The following B3GALT1 variants were observed in gnomAD, a reference collection of about 807,000 sequenced individuals.
The protein encoded by B3GALT1 is UDP-Gal:betaGlcNAc beta 1,3-galactosyltransferase, polypeptide 1.
A neutral mutation model predicts 23.2 loss-of-function variants in B3GALT1; 10 were observed. The observed-to-expected ratio is 0.43, with a 90% CI of 0.27 to 0.73. The LOEUF (loss-of-function observed/expected upper bound fraction) is 0.73, where lower values mean the gene tolerates loss of function less well. Among genes scored for constraint, B3GALT1 ranks in the 30% least tolerant of loss-of-function variants. The probability of loss-of-function intolerance (pLI) is 0.21; values close to 1 mark genes in which losing one functional copy is unlikely to be tolerated. For synonymous variants in B3GALT1, 156 were observed against 141.5 expected, an observed-to-expected ratio of 1.10 and a Z score of -0.73; for missense variants, 299 against 405.4, an observed-to-expected ratio of 0.74 and a Z score of 2.25.
intron 2 of B3GALT1, among the ~76,000 whole-genome samples, chr2:167,554,561 T>C (rs1425098278): frequency 1.3e-5 from 2 of 152,190 alleles, no homozygotes; most frequent in African/African-American, 4.8e-5. Context: ...AGTTTTCTTC[T>C]TTTTCCTCCC....
intron 1 of B3GALT1, among the ~76,000 whole-genome samples, chr2:167,464,673 A>G (rs1699318028): frequency 6.6e-6 from 1 of 152,172 alleles, no homozygotes; most frequent in Non-Finnish European, 1.5e-5. Context: ...GAAGTTACCT[A>G]AAGTTTCCTA....
chr2:167,312,926 C>A (rs568327676), intron 1 of B3GALT1, among the ~76,000 whole-genome samples: 1 of 152,106 alleles, frequency 6.6e-6, no homozygotes, highest in Non-Finnish European at 1.5e-5. Flanking sequence ...ACAAAATATA[C>A]ATAAGTAGGA....
intron 3 of B3GALT1, among the ~76,000 whole-genome samples, chr2:167,738,787 T>C (rs1687530676): frequency 7.4e-6 from 1 of 134,574 alleles, no homozygotes; most frequent in South Asian, 2.4e-4. Flanking sequence ...GATGTTCATG[T>C]TCTTTGTATA....
At chr2:167,503,438 T>C (rs768717490) in intron 2 of B3GALT1, among the ~76,000 whole-genome samples, 2 of 152,228 alleles carry the variant, frequency 1.3e-5, no homozygotes, top group Non-Finnish European at 2.9e-5. Context: ...TAAGCTTTCA[T>C]CTTGTTAGAC....
At chr2:167,799,221 A>C (rs1688594375) in intron 3 of B3GALT1, among the ~76,000 whole-genome samples, 1 of 152,182 alleles carries the variant, frequency 6.6e-6, no homozygotes, top group Admixed American at 6.6e-5. Flanking sequence ...TAGGGGTACA[A>C]GTAGTTTTTG....
At chr2:167,663,585 A>C (rs921131851) in intron 3 of B3GALT1, among the ~76,000 whole-genome samples, 5 of 150,862 alleles carry the variant, frequency 3.3e-5, no homozygotes, top group Admixed American at 3.3e-4. Flanking sequence ...CAACAGTGTA[A>C]AAGTGTTCCT....
Position 167,564,260 on chromosome 2 carries a change from C to T in B3GALT1, c.-410+73983C>T, listed in dbSNP as rs1437936020. On this transcript the variant is annotated intron_variant, in intron 2 of 4. Coordinates refer to ENST00000392690, the MANE Select transcript of B3GALT1 (RefSeq NM_020981.4). ...GCAGAGGCGCTCCCCACATCTCAGA[C>T]GATGGGCGGCCGGGCAGAGACGCTC... 1.6e-4 allele frequency among the ~76,000 whole-genome samples: 23 copies of T among 147,914 alleles called. No homozygotes were observed. In the East Asian group the frequency reaches 1.9e-3, roughly 12 times the overall value.
chr2:167,863,400 T>C (rs1373254603), intron 4 of B3GALT1, among the ~76,000 whole-genome samples: 1 of 152,216 alleles, frequency 6.6e-6, no homozygotes, highest in African/African-American at 2.4e-5. Flanking sequence ...TGTATCATAA[T>C]ACCATCTGCC....
chr2:167,579,378 T>A (rs1684440693), intron 2 of B3GALT1, among the ~76,000 whole-genome samples: 1 of 151,142 alleles, frequency 6.6e-6, no homozygotes, highest in African/African-American at 2.4e-5. Flanking sequence ...CAATTCTAAC[T>A]ACACATTAGA....
chr2:167,714,815 A>G (rs776640232), intron 3 of B3GALT1: 5 of 1,611,852 alleles, frequency 3.1e-6, no homozygotes, highest in Non-Finnish European at 4.2e-6. Flanking sequence ...CTTTTCTTCC[A>G]CTTTAGAAAG....
chr2:167,705,398 C>G (rs1444319413), intron 3 of B3GALT1, among the ~76,000 whole-genome samples: 2 of 152,166 alleles, frequency 1.3e-5, no homozygotes, highest in African/African-American at 4.8e-5. Context: ...AAAGGCAATA[C>G]AGGCCCGGGG....
intron 3 of B3GALT1, among the ~76,000 whole-genome samples, chr2:167,666,636 G>A (rs571485297): frequency 3.3e-5 from 5 of 152,206 alleles, no homozygotes; most frequent in South Asian, 2.1e-4. Context: ...GGGTGCTCCT[G>A]TATTGGGTGC....
intron 2 of B3GALT1, among the ~76,000 whole-genome samples, chr2:167,527,080 A>G (rs991751922): frequency 3.9e-5 from 6 of 152,148 alleles, no homozygotes; most frequent in African/African-American, 1.4e-4. Flanking sequence ...TGAATTTGTC[A>G]TAACTTATTT....
At chr2:167,335,100 G>A (rs1303279643) in intron 1 of B3GALT1, among the ~76,000 whole-genome samples, 1 of 151,922 alleles carries the variant, frequency 6.6e-6, no homozygotes, top group Non-Finnish European at 1.5e-5. Flanking sequence ...TGGTTCTCTA[G>A]GTCAAACTCC....
chr2:167,444,544 A>T (rs903099631), intron 1 of B3GALT1, among the ~76,000 whole-genome samples: 1 of 151,950 alleles, frequency 6.6e-6, no homozygotes, highest in African/African-American at 2.4e-5. Context: ...TCAATTTCAG[A>T]TCCTGTTATT....
At chr2:167,581,831 TTGTC>T (rs1377381335) in intron 2 of B3GALT1, among the ~76,000 whole-genome samples, 1 of 152,206 alleles carries the variant, frequency 6.6e-6, no homozygotes, top group African/African-American at 2.4e-5. Flanking sequence ...ATTTATGTAT[TTGTC>T]TGTTGGGAGT....
chr2:167,610,604 A>G (rs1358201676), intron 2 of B3GALT1, among the ~76,000 whole-genome samples: 1 of 152,038 alleles, frequency 6.6e-6, no homozygotes, highest in Non-Finnish European at 1.5e-5. Flanking sequence ...TATTTATTCT[A>G]ATGGCATTTC....
chr2:167,691,503 C>T (rs1342513358), intron 3 of B3GALT1, among the ~76,000 whole-genome samples: 1 of 151,820 alleles, frequency 6.6e-6, no homozygotes, highest in Non-Finnish European at 1.5e-5. Context: ...AAACTAAGAT[C>T]ATCACAAAAA....
chr2:167,605,859 T>C (rs1684954328), intron 2 of B3GALT1, among the ~76,000 whole-genome samples: 1 of 152,144 alleles, frequency 6.6e-6, no homozygotes, highest in African/African-American at 2.4e-5. Flanking sequence ...CTCAGAGATA[T>C]AGTTTATAGA....
Sources: allele counts gnomAD v4.1 joint callset (sites outside exome capture counted in the v4.1 genomes callset), GRCh38; gene constraint gnomAD v4.1.1; transcripts MANE v1.5; gene names NCBI Gene and HGNC (gene_info 2026-07-23, HGNC 2026-07-21).